Variants in AKAP7 observed in about 807,000 individuals in gnomAD.
AKAP7 encodes the protein A-kinase anchoring protein 7.
Under a neutral mutation model 39.5 loss-of-function variants are expected in AKAP7, and 39 were observed. The observed-to-expected ratio is 0.99, with a 90% CI of 0.76 to 1.29. AKAP7 has a LOEUF of 1.29. Ranked by LOEUF, AKAP7 falls within the 50% of genes most tolerant of loss-of-function variation. The pLI, the probability that AKAP7 is intolerant of heterozygous loss-of-function variation, is 0.00. For missense variants in AKAP7, 414 were observed against 407.7 expected, an observed-to-expected ratio of 1.02 and a Z score of -0.13; for synonymous variants, 140 against 139.1, an observed-to-expected ratio of 1.01 and a Z score of -0.05.
chr6:131,226,930 CAT>C (rs778610604), intron 7 of AKAP7, among the ~76,000 whole-genome samples: 2 of 152,132 alleles, frequency 1.3e-5, no homozygotes, highest in Non-Finnish European at 2.9e-5. Flanking sequence ...TCTCGGGTAT[CAT>C]GTGATACAGA....
In AKAP7 at chr6:131,282,736, C is replaced by A; in HGVS notation, c.*1010C>A. 1.6e-6 allele frequency: 1 copy of A among 643,442 alleles called. No homozygotes were observed. The highest frequency in any genetic ancestry group is 2.4e-6 in the Non-Finnish European group (1 of 420,980). The allele number at this position is 643,442 out of a possible 1,614,324, so 39.9% of individuals were successfully genotyped here. A position where few individuals can be genotyped will look rare whatever the true frequency, so the allele number is the denominator to read the frequency against. ...AAACCAACATTTGGTGAGGAATTAG[C>A]AATTTCTTGCCAAAGAAAATTGATT... On this transcript the variant is annotated 3_prime_UTR_variant, in exon 8 of 8. Transcript: ENST00000431975.
intron 5 of AKAP7, 141 bp downstream of exon 5, chr6:131,169,414 A>C: frequency 1.1e-6 from 1 of 937,588 alleles, no homozygotes; most frequent in Non-Finnish European, 1.6e-6. Flanking sequence ...TCCCAATCAT[A>C]AGTCTGAAGG....
chr6:131,273,831 G>A (rs898587664), intron 7 of AKAP7, among the ~76,000 whole-genome samples: 4 of 151,778 alleles, frequency 2.6e-5, no homozygotes, highest in African/African-American at 9.7e-5. Context: ...TTCTAGTGCT[G>A]GTCAGCTGAC....
At chr6:131,167,929 G>C (rs1330415722) in intron 4 of AKAP7, among the ~76,000 whole-genome samples, 1 of 152,062 alleles carries the variant, frequency 6.6e-6, no homozygotes, top group Non-Finnish European at 1.5e-5. Flanking sequence ...CCACTGGAAG[G>C]GTGTTTTAAA....
intron 3 of AKAP7, among the ~76,000 whole-genome samples, chr6:131,163,164 T>C (rs974925718): frequency 1.3e-5 from 2 of 152,144 alleles, no homozygotes; most frequent in African/African-American, 4.8e-5. Context: ...GGGTAACTTA[T>C]AATAGAGGGA....
intron 7 of AKAP7, among the ~76,000 whole-genome samples, chr6:131,231,392 G>A (rs1440908864): frequency 6.6e-6 from 1 of 151,916 alleles, no homozygotes; most frequent in Non-Finnish European, 1.5e-5. Flanking sequence ...CAGGCTCACA[G>A]AGATATGATT....
chr6:131,268,650 C>T (rs1585213402), intron 7 of AKAP7, among the ~76,000 whole-genome samples: 1 of 152,198 alleles, frequency 6.6e-6, no homozygotes, highest in East Asian at 1.9e-4. Context: ...TGCCGACGTA[C>T]ATCGGTGAAC....
intron 7 of AKAP7, among the ~76,000 whole-genome samples, chr6:131,269,306 G>A (rs1303927452): frequency 1.3e-5 from 2 of 152,112 alleles, no homozygotes; most frequent in Admixed American, 6.5e-5. Flanking sequence ...CAGGTGATCC[G>A]CCAAGTGCTG....
At chr6:131,190,794 ATTTC>A (rs1429710290) in intron 5 of AKAP7, among the ~76,000 whole-genome samples, 1 of 152,194 alleles carries the variant, frequency 6.6e-6, no homozygotes, top group Non-Finnish European at 1.5e-5. Flanking sequence ...ACAGAAGTCC[ATTTC>A]TTATATCCAT....
At chr6:131,221,149 C>T (rs1214559081) in intron 7 of AKAP7, among the ~76,000 whole-genome samples, 2 of 152,156 alleles carry the variant, frequency 1.3e-5, no homozygotes, top group Non-Finnish European at 2.9e-5. Flanking sequence ...AGTGCTATTC[C>T]AGTGAACACA....
chr6:131,198,691 G>C (rs1367096189), intron 5 of AKAP7, among the ~76,000 whole-genome samples: 1 of 152,116 alleles, frequency 6.6e-6, no homozygotes, highest in Non-Finnish European at 1.5e-5. Flanking sequence ...CTTATAGAAG[G>C]CCTTGGACAC....
chr6:131,220,741 G>T (rs1809624822), intron 7 of AKAP7, among the ~76,000 whole-genome samples: 1 of 151,998 alleles, frequency 6.6e-6, no homozygotes, highest in South Asian at 2.1e-4. Context: ...CTCTTTTTGT[G>T]TCAATTACAT....
At position 131,262,087 on chromosome 6, in the gene AKAP7, G is replaced by C. The variant is rs1378623628; in HGVS notation, c.851-19443G>C. 2.0e-5 allele frequency among the ~76,000 whole-genome samples: 3 copies of C among 152,192 alleles called. No individual in the cohort carries two copies. The South Asian group carries it at 6.2e-4, about 32-fold the overall frequency. ...GCTGGGCTTCTGGCTTTTGAGGAGG[G>C]GACATTGGCCAACTTTGCTATTGTC... On this transcript the variant is annotated intron_variant, in intron 7 of 7. Transcript: ENST00000431975.
chr6:131,171,691 G>A (rs889221696), intron 5 of AKAP7, among the ~76,000 whole-genome samples: 4 of 152,140 alleles, frequency 2.6e-5, no homozygotes, highest in African/African-American at 9.7e-5. Context: ...GCAGAAATTT[G>A]TAATGGTACT....
intron 7 of AKAP7, among the ~76,000 whole-genome samples, chr6:131,241,412 A>G (rs1366332143): frequency 6.6e-6 from 1 of 152,038 alleles, no homozygotes; most frequent in Non-Finnish European, 1.5e-5. Flanking sequence ...GGTTTAGACA[A>G]CTAGGTAGAC....
intron 2 of AKAP7, among the ~76,000 whole-genome samples, chr6:131,152,054 C>T (rs1489685275): frequency 6.6e-6 from 1 of 151,972 alleles, no homozygotes; most frequent in African/African-American, 2.4e-5. Flanking sequence ...GTTAAAAAAA[C>T]AAATACACGA....
intron 2 of AKAP7, among the ~76,000 whole-genome samples, chr6:131,156,765 T>G (rs1443968493): frequency 6.6e-6 from 1 of 151,846 alleles, no homozygotes; most frequent in Non-Finnish European, 1.5e-5. Context: ...CATCTGTTTC[T>G]TTTTGGAGTT....
At chr6:131,231,181 C>T (rs923470498) in intron 7 of AKAP7, among the ~76,000 whole-genome samples, 21 of 152,158 alleles carry the variant, frequency 1.4e-4, no homozygotes, top group African/African-American at 4.8e-4. Flanking sequence ...CTAATTTTTT[C>T]CCCTCCTTTA....
upstream of AKAP7, among the ~76,000 whole-genome samples, chr6:131,135,360 C>T (rs1181579404): frequency 6.6e-6 from 1 of 152,212 alleles, no homozygotes; most frequent in Non-Finnish European, 1.5e-5. Context: ...ACGACCTGGG[C>T]TGCCGTGACG....
Sources: allele counts gnomAD v4.1 joint callset (sites outside exome capture counted in the v4.1 genomes callset), GRCh38; gene constraint gnomAD v4.1.1; transcripts MANE v1.5; gene names NCBI Gene and HGNC (gene_info 2026-07-23, HGNC 2026-07-21).